CDH4: variants seen among roughly 807,000 people sequenced by gnomAD.
CDH4 encodes cadherin-4.
Under a neutral mutation model 86.0 loss-of-function variants are expected in CDH4, and 33 were observed. That is an observed-to-expected ratio of 0.38 (90% confidence interval 0.29 to 0.51). CDH4 has a LOEUF of 0.51. CDH4 is among the 20% of genes least tolerant of loss of function. CDH4 has a pLI of 0.86. For synonymous variants in CDH4, 555 were observed against 549.4 expected (o/e 1.01, Z -0.14); for missense variants, 1,114 against 1,307.4 (o/e 0.85, Z 2.28).
At chr20:61,401,389 G>T (rs546078638) in intron 2 of CDH4, among the ~76,000 whole-genome samples, 12 of 99,526 alleles carry the variant, frequency 1.2e-4, no homozygotes, top group Admixed American at 1.2e-3. Flanking sequence ...CCATTTTTTT[G>T]TCAGACAAAA....
At chr20:61,265,086 C>A (rs2084150034) in intron 2 of CDH4, among the ~76,000 whole-genome samples, 1 of 151,080 alleles carries the variant, frequency 6.6e-6, no homozygotes, top group South Asian at 2.1e-4. Flanking sequence ...TTACACATGT[C>A]TCAGTGGCTC....
At chr20:61,720,285 GC>G (rs2088020923) in intron 2 of CDH4, among the ~76,000 whole-genome samples, 1 of 152,146 alleles carries the variant, frequency 6.6e-6, no homozygotes, top group African/African-American at 2.4e-5. Flanking sequence ...GCACCTCCTG[GC>G]CCCCCATCCT....
chr20:61,441,005 A>G (rs2085312528), intron 2 of CDH4, among the ~76,000 whole-genome samples: 1 of 152,256 alleles, frequency 6.6e-6, no homozygotes, highest in Non-Finnish European at 1.5e-5. Context: ...TTTTGAGTTC[A>G]GATATCACTT....
intron 2 of CDH4, among the ~76,000 whole-genome samples, chr20:61,694,042 G>A (rs1051061574): frequency 5.3e-5 from 8 of 151,880 alleles, no homozygotes; most frequent in South Asian, 2.1e-4. Context: ...ACAGGTGCCC[G>A]CCATGACACC....
rs1280392473 is a variant in CDH4, at chr20:61,383,472, AAT to A, written c.169+128542_169+128543del. ...ATTCATATATATGAAGATATATATG[AAT>A]ATATATGATATATATGAAATATATT... On this transcript the variant is annotated intron_variant, in intron 2 of 15. Transcript: ENST00000614565. Among the ~76,000 whole-genome samples, 2 of 29,390 alleles carry A rather than the reference AAT, an allele frequency of 6.8e-5. 1 individual carries two copies. Among genetic ancestry groups the A allele is most frequent in the Non-Finnish European group, 1.1e-4 (2 of 18,502 alleles). The allele number at this position is 29,390 out of a possible 152,430, so 19.3% of individuals were successfully genotyped here.
At chr20:61,309,165 G>A (rs1023976951) in intron 2 of CDH4, among the ~76,000 whole-genome samples, 9 of 152,366 alleles carry the variant, frequency 5.9e-5, no homozygotes, top group African/African-American at 1.9e-4. Context: ...TGGTGCCCAG[G>A]AGATCCTCTC....
chr20:61,725,445 C>G (rs1311777379), intron 2 of CDH4, among the ~76,000 whole-genome samples: 1 of 152,200 alleles, frequency 6.6e-6, no homozygotes, highest in African/African-American at 2.4e-5. Flanking sequence ...GAGCAGGGAG[C>G]ACTGTTCCCA....
intron 2 of CDH4, among the ~76,000 whole-genome samples, chr20:61,511,875 TG>T (rs917329987): frequency 3.9e-5 from 6 of 152,180 alleles, no homozygotes; most frequent in Non-Finnish European, 8.8e-5. Flanking sequence ...TTTTTTTCCA[TG>T]GGTATACTGT....
chr20:61,261,701 G>A (rs771674447), intron 2 of CDH4, among the ~76,000 whole-genome samples: 8 of 152,130 alleles, frequency 5.3e-5, no homozygotes, highest in Admixed American at 2.0e-4. Flanking sequence ...CCACTGTCAC[G>A]TGCAGACAGG....
intron 2 of CDH4, among the ~76,000 whole-genome samples, chr20:61,667,351 C>T (rs1368608318): frequency 6.6e-6 from 1 of 152,230 alleles, no homozygotes; most frequent in East Asian, 1.9e-4. Context: ...ACCATCCTCA[C>T]CATTCTGTGA....
intron 2 of CDH4, among the ~76,000 whole-genome samples, chr20:61,712,210 C>T (rs75959649): frequency 0.036 from 5,508 of 152,258 alleles, 332 homozygotes; most frequent in African/African-American, 0.11. Context: ...TGTGTCCAGA[C>T]TTTGGACTTG....
rs1568700965 is a variant in CDH4, at chr20:61,590,879, G to GGC, written c.170-152683_170-152682insCG. On this transcript the variant is annotated intron_variant, in intron 2 of 15. Transcript: ENST00000614565. ...AGCCTTGTCTTCCCTAAATCTATGG[G>GGC]GGGGGGGGTCCCCGGGTCTCCAGGC... 1.3e-4 allele frequency among the ~76,000 whole-genome samples: 17 copies of GGC among 135,890 alleles called. 1 individual carries two copies. The highest frequency in any genetic ancestry group is 2.3e-4 in the Non-Finnish European group (15 of 64,638). 89.1% of individuals were successfully genotyped at this position (135,890 alleles called of 152,430 possible).
intron 2 of CDH4, among the ~76,000 whole-genome samples, chr20:61,524,089 T>C (rs987264836): frequency 1.3e-4 from 20 of 152,096 alleles, no homozygotes; most frequent in Admixed American, 5.2e-4. Flanking sequence ...ACCTGGGGAA[T>C]GCTGTTTATT....
intron 8 of CDH4, among the ~76,000 whole-genome samples, chr20:61,907,991 A>G (rs2054809199): frequency 6.6e-6 from 1 of 152,172 alleles, no homozygotes; most frequent in South Asian, 2.1e-4. Flanking sequence ...TCGGGATGTG[A>G]ATGCTTGGAC....
At position 61,399,148 on chromosome 20, in the gene CDH4, C is replaced by T. The variant is rs1310628810; in HGVS notation, c.169+144211C>T. Among the ~76,000 whole-genome samples, 4 of 33,822 alleles carry T rather than the reference C, an allele frequency of 1.2e-4. 1 individual carries two copies. The highest frequency in any genetic ancestry group is 1.5e-3 in the South Asian group (2 of 1,316). 22.2% of individuals were successfully genotyped at this position (33,822 alleles called of 152,430 possible). ...TTTTTTTTTTTTTTTTTTTTTGAGA[C>T]GGAGTCTCACTCTGTCGCCCAGGCC... On this transcript the variant is annotated intron_variant, in intron 2 of 15. Transcript: ENST00000614565.
intron 2 of CDH4, among the ~76,000 whole-genome samples, chr20:61,323,510 T>C (rs1414369940): frequency 6.6e-6 from 1 of 152,200 alleles, no homozygotes; most frequent in African/African-American, 2.4e-5. Flanking sequence ...CCTATAATTC[T>C]TTGGCCACCT....
chr20:61,562,149 C>G (rs933221258), intron 2 of CDH4, among the ~76,000 whole-genome samples: 1 of 127,432 alleles, frequency 7.8e-6, no homozygotes, highest in African/African-American at 3.0e-5. Flanking sequence ...GACCCCAGGG[C>G]TCCCGGAGAG....
chr20:61,760,243 G>A (rs543309948), intron 3 of CDH4, among the ~76,000 whole-genome samples: 2 of 152,284 alleles, frequency 1.3e-5, no homozygotes, highest in African/African-American at 4.8e-5. Context: ...AGGCTAATTA[G>A]GAACAACATG....
intron 2 of CDH4, among the ~76,000 whole-genome samples, chr20:61,262,243 G>T (rs540845044): frequency 6.6e-6 from 1 of 152,348 alleles, no homozygotes; most frequent in South Asian, 2.1e-4. Flanking sequence ...GATGCCGTGA[G>T]AGCTGGTCCT....
Sources: gnomAD v4.1 joint callset for allele counts (sites outside exome capture counted in the v4.1 genomes callset) on GRCh38, gnomAD v4.1.1 for gene constraint, MANE v1.5 for transcripts, NCBI Gene and HGNC (gene_info 2026-07-23, HGNC 2026-07-21) for gene names.